The following TMPRSS7 variants were observed in gnomAD, a reference collection of about 807,000 sequenced individuals.
The protein encoded by TMPRSS7 is transmembrane serine protease 7.
A neutral mutation model predicts 95.6 loss-of-function variants in TMPRSS7; 81 were observed. The observed-to-expected ratio is 0.85, with a 90% CI of 0.71 to 1.02. The LOEUF (loss-of-function observed/expected upper bound fraction) is 1.02, where lower values mean the gene tolerates loss of function less well. Among genes scored for constraint, TMPRSS7 ranks in the 50% least tolerant of loss-of-function variants. TMPRSS7 has a pLI of 0.00. For synonymous variants in TMPRSS7, 364 were observed against 337.8 expected, an observed-to-expected ratio of 1.08 and a Z score of -0.85; for missense variants, 945 against 955.2, an observed-to-expected ratio of 0.99 and a Z score of 0.14.
At chr3:112,077,309 A>G (rs2073724017) in intron 16 of TMPRSS7, among the ~76,000 whole-genome samples, 165 bp downstream of exon 16, 1 of 152,118 alleles carries the variant, frequency 6.6e-6, no homozygotes, top group South Asian at 2.1e-4. Context: ...TTTCTTTTTA[A>G]TGATGCTATC....
At chr3:112,041,128 C>G (rs6765851) in intron 2 of TMPRSS7, among the ~76,000 whole-genome samples, 1 of 150,022 alleles carries the variant, frequency 6.7e-6, no homozygotes, top group South Asian at 2.1e-4. Context: ...AATAAAAAAA[C>G]CAAAAACCAA....
At chr3:112,059,231 T>C (rs895980849) in intron 10 of TMPRSS7, among the ~76,000 whole-genome samples, 2 of 152,226 alleles carry the variant, frequency 1.3e-5, no homozygotes, top group African/African-American at 4.8e-5. Flanking sequence ...ATCAGGCCAG[T>C]TGGCATCCAA....
chr3:112,079,651 G>C (rs73856357), intron 17 of TMPRSS7, among the ~76,000 whole-genome samples: 1,814 of 152,242 alleles, frequency 0.012, 43 homozygotes, highest in East Asian at 0.065. Flanking sequence ...TCCTGATTTA[G>C]AGGGTGAGTA....
intron 10 of TMPRSS7, among the ~76,000 whole-genome samples, chr3:112,060,722 C>T (rs1016715970): frequency 2.0e-5 from 3 of 152,156 alleles, no homozygotes; most frequent in Admixed American, 6.6e-5. Flanking sequence ...GTGCAGTTAA[C>T]GCAATCATCA....
intron 5 of TMPRSS7, among the ~76,000 whole-genome samples, chr3:112,046,151 C>A (rs930145617): frequency 3.9e-5 from 6 of 152,140 alleles, no homozygotes; most frequent in Non-Finnish European, 8.8e-5. Flanking sequence ...GATGTGGGGA[C>A]AATATACATA....
rs190044352 is a variant in TMPRSS7 at position 112,052,909 on chromosome 3, G to T, written c.1203+2126G>T. 7.4e-5 allele frequency among the ~76,000 whole-genome samples: 11 copies of T among 148,542 alleles called. No individual in the cohort carries two copies. In the East Asian group the frequency reaches 2.1e-3, roughly 29 times the overall value. On this transcript the variant is annotated intron_variant, in intron 9 of 17. Coordinates refer to ENST00000452346, the Ensembl canonical transcript of TMPRSS7. Reference sequence around the variant, plus strand: ...TTTACTGTTTTGCTAGGGGTTGGGGGTGAGAAATGCTGAAGAAAAAAAAAA... The same window carrying T: ...TTTACTGTTTTGCTAGGGGTTGGGGTTGAGAAATGCTGAAGAAAAAAAAAA...
At chr3:112,053,553 A>G (rs2073392043) in intron 9 of TMPRSS7, among the ~76,000 whole-genome samples, 1 of 152,244 alleles carries the variant, frequency 6.6e-6, no homozygotes, top group Non-Finnish European at 1.5e-5. Context: ...ACAGATAAGT[A>G]CAACCAAAAA....
chr3:112,078,636 G>A (rs931090355), intron 16 of TMPRSS7, 106 bp from the exon 17 acceptor site: 18 of 1,417,204 alleles, frequency 1.3e-5, no homozygotes, highest in East Asian at 2.3e-5. Context: ...GGGAATTGCC[G>A]CTATGAGGGT....
chr3:112,035,929 A>G (rs2073147350), intron 1 of TMPRSS7, among the ~76,000 whole-genome samples: 1 of 152,182 alleles, frequency 6.6e-6, no homozygotes, highest in African/African-American at 2.4e-5. Context: ...TAATTATTTC[A>G]TTTATAATTG....
At chr3:112,046,359 C>T (rs1370523982) in intron 5 of TMPRSS7, among the ~76,000 whole-genome samples, 2 of 152,004 alleles carry the variant, frequency 1.3e-5, no homozygotes, top group African/African-American at 4.8e-5. Flanking sequence ...GCTTCATAGC[C>T]CCAAATGCAA....
intron 17 of TMPRSS7, among the ~76,000 whole-genome samples, chr3:112,080,641 G>A (rs888836614): frequency 6.6e-6 from 1 of 152,000 alleles, no homozygotes; most frequent in African/African-American, 2.4e-5. Flanking sequence ...CTATGTGAGA[G>A]TTGTTTTCTC....
chr3:112,039,901 G>A (rs1476937983), intron 2 of TMPRSS7, among the ~76,000 whole-genome samples: 1 of 152,156 alleles, frequency 6.6e-6, no homozygotes, highest in African/African-American at 2.4e-5. Context: ...GCATTGGGGG[G>A]CAGTCTAGTA....
chr3:112,080,837 T>C, intron 17 of TMPRSS7, 77 bp from the exon 18 acceptor site: 3 of 1,436,854 alleles, frequency 2.1e-6, no homozygotes, highest in Non-Finnish European at 2.8e-6. Context: ...TTGAACACAA[T>C]TCATTAGATA....
chr3:112,075,161 G>T (rs959006728), intron 14 of TMPRSS7, among the ~76,000 whole-genome samples, 160 bp from the exon 15 acceptor site: 2 of 152,192 alleles, frequency 1.3e-5, no homozygotes, highest in African/African-American at 4.8e-5. Context: ...TGGTTTGTTT[G>T]TATTGGTTTC....
rs1289392003 is a variant in TMPRSS7 at position 112,080,897 on chromosome 3, A to AT, written c.2362-11dup. ...TGGGACCAATTTACTTTATACTTACATTTTTTGTGTGTGTAGGGAGATTCG... is the reference window on the plus strand; with the variant it reads ...TGGGACCAATTTACTTTATACTTACATTTTTTTGTGTGTGTAGGGAGATTCG... On this transcript the variant is annotated splice_polypyrimidine_tract_variant and intron_variant, in intron 17 of 17. Coordinates refer to ENST00000452346, the Ensembl canonical transcript of TMPRSS7. 8 of 1,603,376 alleles carry AT rather than the reference A, an allele frequency of 5.0e-6. No individual in the cohort carries two copies. Among genetic ancestry groups the AT allele is most frequent in the South Asian group, 4.5e-5 (4 of 88,626 alleles).
At chr3:112,075,713 A>C (rs759334657) in intron 15 of TMPRSS7, among the ~76,000 whole-genome samples, 1 of 152,194 alleles carries the variant, frequency 6.6e-6, no homozygotes, top group Admixed American at 6.5e-5. Context: ...GCTTTTACTA[A>C]GGCTGGGAAA....
At chr3:112,038,437 T>C (rs981849526) in intron 2 of TMPRSS7, 116 bp downstream of exon 2, 21 of 605,478 alleles carry the variant, frequency 3.5e-5, no homozygotes, top group Non-Finnish European at 5.5e-5. Flanking sequence ...TTTTCCAATA[T>C]GGATACACCA....
intron 7 of TMPRSS7, among the ~76,000 whole-genome samples, chr3:112,048,185 C>T (rs1024905963): frequency 6.6e-6 from 1 of 152,150 alleles, no homozygotes; most frequent in Non-Finnish European, 1.5e-5. Context: ...AGCAAATACT[C>T]TCAAAGTCAG....
chr3:112,062,929 G>C (rs1237503468), intron 11 of TMPRSS7, among the ~76,000 whole-genome samples: 1 of 152,196 alleles, frequency 6.6e-6, no homozygotes, highest in Non-Finnish European at 1.5e-5. Flanking sequence ...TTAATCAGAA[G>C]CCTGGTTGAA....
Sources: allele counts gnomAD v4.1 joint callset (sites outside exome capture counted in the v4.1 genomes callset), GRCh38; gene constraint gnomAD v4.1.1; transcripts MANE v1.5; gene names NCBI Gene and HGNC (gene_info 2026-07-23, HGNC 2026-07-21).